Variants in NBEA observed in about 807,000 individuals in gnomAD.
NBEA encodes lysosomal-trafficking regulator 2.
In NBEA, 44 loss-of-function variants were observed where a neutral mutation model predicts 343.4. The ratio of observed to expected loss-of-function variants is 0.13; its 90% CI spans 0.10 to 0.16. NBEA has a LOEUF of 0.16. Ranked by LOEUF, NBEA falls within the 10% of genes least tolerant of loss-of-function variation. The pLI, the probability that NBEA is intolerant of heterozygous loss-of-function variation, is 1.00. For missense variants in NBEA, 2,555 were observed against 3,631.3 expected (o/e 0.70, Z 7.62); for synonymous variants, 1,175 against 1,238.7 (o/e 0.95, Z 1.08).
intron 33 of NBEA, among the ~76,000 whole-genome samples, chr13:35,219,627 G>A (rs756104686): frequency 6.6e-6 from 1 of 152,122 alleles, no homozygotes; most frequent in Admixed American, 6.6e-5. Context: ...TCTGCAGTTA[G>A]TATGCTAAAG....
chr13:35,372,155 G>A (rs1466446101), intron 38 of NBEA, among the ~76,000 whole-genome samples: 2 of 152,214 alleles, frequency 1.3e-5, no homozygotes, highest in African/African-American at 4.8e-5. Context: ...GGGCAGATTG[G>A]CTGGTCTTTG....
intron 1 of NBEA, among the ~76,000 whole-genome samples, chr13:34,968,032 C>T (rs1165718036): frequency 1.3e-5 from 2 of 152,132 alleles, no homozygotes; most frequent in South Asian, 2.1e-4. Context: ...CAACTTCCCT[C>T]AGGTTCTGTA....
intron 1 of NBEA, among the ~76,000 whole-genome samples, chr13:34,962,854 C>T (rs899885329): frequency 2.6e-5 from 4 of 151,920 alleles, no homozygotes; most frequent in Non-Finnish European, 2.9e-5. Flanking sequence ...GTCTCTCTTC[C>T]GGTATTTAGA....
chr13:35,654,387 C>CAAATCTCT, intron 53 of NBEA, among the ~76,000 whole-genome samples: 1 of 152,184 alleles, frequency 6.6e-6, no homozygotes, highest in East Asian at 1.9e-4. Context: ...ATCCCTTGCT[C>CAAATCTCT]AAATCTCTAC....
At chr13:35,599,699 G>C (rs1277121420) in intron 47 of NBEA, among the ~76,000 whole-genome samples, 1 of 152,180 alleles carries the variant, frequency 6.6e-6, no homozygotes, top group Non-Finnish European at 1.5e-5. Flanking sequence ...TCAGACAAGG[G>C]GGAAATAGAC....
chr13:35,275,380 A>C (rs548383770), intron 34 of NBEA, among the ~76,000 whole-genome samples: 1 of 152,222 alleles, frequency 6.6e-6, no homozygotes, highest in Non-Finnish European at 1.5e-5. Context: ...TTAAAATGTA[A>C]GACCTAACAC....
At chr13:35,425,802 A>G (rs934187639) in intron 38 of NBEA, among the ~76,000 whole-genome samples, 22 of 152,116 alleles carry the variant, frequency 1.4e-4, no homozygotes, top group African/African-American at 4.6e-4. Flanking sequence ...GTAGGTCACT[A>G]AGGACTTGCT....
chr13:35,250,041 G>T (rs1002001877), intron 34 of NBEA, among the ~76,000 whole-genome samples: 4 of 152,118 alleles, frequency 2.6e-5, no homozygotes, highest in African/African-American at 7.2e-5. Flanking sequence ...CAAAGAAATA[G>T]AAAGTAGAAT....
rs192593429 is a variant in NBEA, at chr13:35,338,787, G to C, written c.5904-10321G>C. On this transcript the variant is annotated intron_variant, in intron 36 of 58. Transcript: ENST00000379939. Reference sequence around the variant, plus strand: ...TCTACGTCAGCAATATGTAAGAAAGGATTATATACCTTGATTAAATGGGAT... The same window carrying C: ...TCTACGTCAGCAATATGTAAGAAAGCATTATATACCTTGATTAAATGGGAT... Among the ~76,000 whole-genome samples, 7 of 152,076 alleles carry C rather than the reference G, an allele frequency of 4.6e-5. No homozygotes were observed. The East Asian group carries it at 1.4e-3, about 29-fold the overall frequency.
intron 1 of NBEA, among the ~76,000 whole-genome samples, chr13:34,985,389 C>T (rs746632248): frequency 5.3e-5 from 8 of 150,812 alleles, no homozygotes; most frequent in African/African-American, 1.2e-4. Context: ...GGGATGAAGC[C>T]GACTTGATTG....
chr13:34,967,914 T>C (rs900329631), intron 1 of NBEA, among the ~76,000 whole-genome samples: 1 of 152,028 alleles, frequency 6.6e-6, no homozygotes, highest in African/African-American at 2.4e-5. Flanking sequence ...TAGTACAGAC[T>C]CCACAAGTTA....
intron 18 of NBEA, among the ~76,000 whole-genome samples, chr13:35,152,190 CAT>C (rs1354860087): frequency 1.3e-5 from 2 of 152,044 alleles, no homozygotes; most frequent in Admixed American, 6.6e-5. Flanking sequence ...TAAAGGAAAA[CAT>C]ATATTTTTTA....
In NBEA at chr13:35,651,806, C is replaced by A. The variant is rs182352193; in HGVS notation, c.7965C>A (p.Gly2655=). 1.4e-5 allele frequency: 22 copies of A among 1,529,866 alleles called. No homozygotes were observed. The highest frequency in any genetic ancestry group is 2.0e-5 in the Non-Finnish European group (22 of 1,127,150). The allele number at this position is 1,529,866 out of a possible 1,614,324, so 94.8% of individuals were successfully genotyped here. Reference sequence around the variant, plus strand: ...TTTCTCTCTTTTTTTAATCTTTAGGCCTCAGAGGAGCTCCAGGATACTCCT... The same window carrying A: ...TTTCTCTCTTTTTTTAATCTTTAGGACTCAGAGGAGCTCCAGGATACTCCT... ...FAVNRWHNTV[G]LRGAPGYSLD... is the part of the protein sequence containing the mutation. Residue 2655 remains glycine (G), a splice_region_variant and synonymous_variant, in exon 53 of 59, where the codon GGC becomes GGA. Coordinates refer to ENST00000379939, the MANE Select transcript of NBEA (RefSeq NM_001385012.1).
intron 34 of NBEA, among the ~76,000 whole-genome samples, chr13:35,265,070 A>G (rs188649070): frequency 8.5e-5 from 13 of 152,062 alleles, no homozygotes; most frequent in African/African-American, 3.1e-4. Flanking sequence ...CAAAAAATCA[A>G]TAGTGTTTCT....
In NBEA at chr13:35,212,000, TACAC is replaced by T. The variant is rs3048222; in HGVS notation, c.5648+844_5648+847del. On this transcript the variant is annotated intron_variant, in intron 33 of 58. Transcript: ENST00000379939. The stretch of plus-strand genomic sequence containing the variant: ...CTTGGAGTAAGATTGTGTATACGTG[TACAC>T]ACACACACACACACACACACACGTA... 2.9e-3 allele frequency among the ~76,000 whole-genome samples: 426 copies of T among 149,078 alleles called. 1 individual carries two copies. The highest frequency in any genetic ancestry group is 4.7e-3 in the East Asian group (24 of 5,062).
intron 48 of NBEA, among the ~76,000 whole-genome samples, chr13:35,617,149 GT>G (rs1205109486): frequency 5.3e-5 from 8 of 152,226 alleles, no homozygotes; most frequent in Admixed American, 5.2e-4. Flanking sequence ...TAAGTAGTAA[GT>G]TCCAACTTGT....
chr13:35,280,747 G>A (rs2034994574), intron 34 of NBEA, among the ~76,000 whole-genome samples: 2 of 151,580 alleles, frequency 1.3e-5, no homozygotes, highest in African/African-American at 4.8e-5. Flanking sequence ...TTTTATCCTT[G>A]GAAATGACTG....
At chr13:35,501,743 G>C (rs1186945496) in intron 41 of NBEA, among the ~76,000 whole-genome samples, 1 of 152,044 alleles carries the variant, frequency 6.6e-6, no homozygotes, top group Non-Finnish European at 1.5e-5. Flanking sequence ...AATTCTTGCT[G>C]TCTGTAAAGC....
At chr13:34,975,913 C>A (rs1015801486) in intron 1 of NBEA, among the ~76,000 whole-genome samples, 3 of 152,028 alleles carry the variant, frequency 2.0e-5, no homozygotes, top group Non-Finnish European at 4.4e-5. Context: ...ATCAAAAAAT[C>A]AAAAACTAAT....
Sources: allele counts gnomAD v4.1 joint callset (sites outside exome capture counted in the v4.1 genomes callset), GRCh38; gene constraint gnomAD v4.1.1; transcripts MANE v1.5; gene names NCBI Gene and HGNC (gene_info 2026-07-23, HGNC 2026-07-21).